Variants in MOB1B observed in about 807,000 individuals in gnomAD.
MOB1B encodes MOB kinase activator 1B.
MOB1B carries 19 observed loss-of-function variants against 24.4 expected under a neutral mutation model. The observed-to-expected ratio is 0.78, with a 90% confidence interval of 0.54 to 1.14. The LOEUF is 1.14. MOB1B is among the 50% of genes most tolerant of loss of function. The probability of loss-of-function intolerance (pLI) is 0.00; values close to 1 mark genes in which losing one functional copy is unlikely to be tolerated. For synonymous variants in MOB1B, 76 were observed against 82.1 expected (o/e 0.93, Z 0.40); for missense variants, 243 against 259.6 (o/e 0.94, Z 0.44).
At chr4:70,948,078 C>A (rs1458538995) in intron 1 of MOB1B, among the ~76,000 whole-genome samples, 1 of 152,154 alleles carries the variant, frequency 6.6e-6, no homozygotes, top group Non-Finnish European at 1.5e-5. Flanking sequence ...GGTCTATCAT[C>A]TAATTCATGT....
Position 70,983,982 on chromosome 4 carries a change from T to C in MOB1B, c.*1925T>C, listed in dbSNP as rs1739299881. On this transcript the variant is annotated 3_prime_UTR_variant, in exon 6 of 6. Transcript: ENST00000309395. ...GTGAGGTGATTTTGAATCTTGTCCA[T>C]ATAGGAAAATGAAGCACAGAATTAC... is the stretch of plus-strand genomic sequence containing the variant. 6.6e-6 allele frequency: 1 copy of C among 152,590 alleles called. No homozygotes were observed. The highest frequency in any genetic ancestry group is 2.4e-5 in the African/African-American group (1 of 41,458). The allele number at this position is 152,590 out of a possible 1,614,324, so 9.5% of individuals were successfully genotyped here.
At chr4:70,976,729 G>C in intron 4 of MOB1B, 1 of 734,824 alleles carries the variant, frequency 1.4e-6, no homozygotes, top group East Asian at 1.3e-4. Flanking sequence ...TTTAATAAAA[G>C]AGCAATTTTT....
At chr4:70,923,268 C>T (rs941773332) in intron 1 of MOB1B, among the ~76,000 whole-genome samples, 2 of 152,282 alleles carry the variant, frequency 1.3e-5, no homozygotes, top group Admixed American at 1.3e-4. Flanking sequence ...AGAGCATCCT[C>T]TTTGGGGAGG....
At chr4:70,923,075 G>A (rs756572318) in intron 1 of MOB1B, among the ~76,000 whole-genome samples, 7 of 152,144 alleles carry the variant, frequency 4.6e-5, no homozygotes, top group South Asian at 2.1e-4. Flanking sequence ...AAAGGAGAAC[G>A]TCACATTAAT....
intron 1 of MOB1B, among the ~76,000 whole-genome samples, chr4:70,952,659 A>C (rs1737858641): frequency 6.7e-6 from 1 of 150,184 alleles, no homozygotes; most frequent in South Asian, 2.1e-4. Flanking sequence ...AAAAAAAAAA[A>C]CAAAACAAAA....
intron 2 of MOB1B, among the ~76,000 whole-genome samples, chr4:70,966,998 A>C (rs756235865): frequency 1.3e-5 from 2 of 152,258 alleles, no homozygotes; most frequent in African/African-American, 2.4e-5. Flanking sequence ...AGGGTTATCA[A>C]GTAATAGATG....
intron 2 of MOB1B, 118 bp downstream of exon 2, chr4:70,959,158 G>T: frequency 1.4e-6 from 1 of 735,032 alleles, no homozygotes; most frequent in African/African-American, 1.8e-5. Context: ...ATAAAAGAGT[G>T]ATATCTCAAT....
At chr4:70,921,493 T>TCCCCTCCCCC (rs1736437712) in intron 1 of MOB1B, among the ~76,000 whole-genome samples, 3 of 66,648 alleles carry the variant, frequency 4.5e-5, no homozygotes, top group Non-Finnish European at 8.7e-5. Flanking sequence ...TCCCCTCCCC[T>TCCCCTCCCCC]CCCCTCCCCT....
intron 1 of MOB1B, among the ~76,000 whole-genome samples, chr4:70,957,753 ATTTTTTT>A (rs10706196): frequency 9.1e-5 from 11 of 121,164 alleles, no homozygotes; most frequent in African/African-American, 8.8e-5. Flanking sequence ...TCCCTGCCTT[ATTTTTTT>A]TTTTTTTTTT....
At chr4:70,920,319 G>A (rs1205014532) in intron 1 of MOB1B, among the ~76,000 whole-genome samples, 2 of 151,932 alleles carry the variant, frequency 1.3e-5, no homozygotes, top group African/African-American at 4.8e-5. Context: ...TCTGCCTCCT[G>A]GGTTCATGTG....
At chr4:70,979,009 T>G (rs1032278559) in intron 4 of MOB1B, 119 bp from the exon 5 acceptor site, 1 of 801,942 alleles carries the variant, frequency 1.2e-6, no homozygotes, top group Admixed American at 2.4e-5. Context: ...TATGTATAAA[T>G]TCATAAATGC....
intron 1 of MOB1B, among the ~76,000 whole-genome samples, chr4:70,954,603 G>C (rs569276341): frequency 4.9e-4 from 74 of 150,564 alleles, no homozygotes; most frequent in African/African-American, 1.8e-3. Context: ...TTACAGGCCT[G>C]CGCCACCATG....
chr4:70,918,724 T>G, intron 1 of MOB1B, among the ~76,000 whole-genome samples: 1 of 152,200 alleles, frequency 6.6e-6, no homozygotes, highest in Non-Finnish European at 1.5e-5. Flanking sequence ...TTTTGTCTTT[T>G]GTTGCCATTG....
At chr4:70,939,651 G>A (rs947948525) in intron 1 of MOB1B, among the ~76,000 whole-genome samples, 15 of 152,324 alleles carry the variant, frequency 9.8e-5, no homozygotes, top group East Asian at 3.9e-4. Flanking sequence ...AAGGGTGTGC[G>A]GTCGGGGGTG....
chr4:70,975,394 G>A lies in MOB1B; in HGVS notation c.409+108G>A. 6 of 1,515,134 alleles carry A rather than the reference G, an allele frequency of 4.0e-6. No homozygotes were observed. The South Asian group carries it at 8.1e-5, about 20-fold the overall frequency. The allele number at this position is 1,515,134 out of a possible 1,614,324, so 93.9% of individuals were successfully genotyped here. A position where few individuals can be genotyped will look rare whatever the true frequency, so the allele number is the denominator to read the frequency against. On this transcript the variant is annotated intron_variant, in intron 4 of 5. Transcript: ENST00000309395. Reference sequence around the variant, plus strand: ...TCTAGTTGGAGAGTTCTTTATGGCTGTGTTGATATATGTATATGTTACGCA... The same window carrying A: ...TCTAGTTGGAGAGTTCTTTATGGCTATGTTGATATATGTATATGTTACGCA...
chr4:70,925,920 CTGAGGGTT>C (rs1736631755), intron 1 of MOB1B, among the ~76,000 whole-genome samples: 1 of 152,110 alleles, frequency 6.6e-6, no homozygotes, highest in African/African-American at 2.4e-5. Flanking sequence ...TCCTCCTGGA[CTGAGGGTT>C]TGTTCATCAT....
intron 2 of MOB1B, among the ~76,000 whole-genome samples, 154 bp from the exon 3 acceptor site, chr4:70,969,777 C>A (rs1738681046): frequency 6.6e-6 from 1 of 152,142 alleles, no homozygotes; most frequent in South Asian, 2.1e-4. Context: ...AACACAAGCT[C>A]CTCATTTCAA....
Position 70,946,614 on chromosome 4 carries a change from T to C in MOB1B, c.15-12260T>C, listed in dbSNP as rs115621834. On this transcript the variant is annotated intron_variant, in intron 1 of 5. Coordinates refer to ENST00000309395, the MANE Select transcript of MOB1B (RefSeq NM_173468.4). ...TATGCATATATATAGTCATTTGTTA[T>C]TGAACATTTGAAAAATGCTAGTTCC... Among the ~76,000 whole-genome samples, 736 of 152,354 alleles carry C rather than the reference T, an allele frequency of 4.8e-3. 4 individuals are homozygous for C. The highest frequency in any genetic ancestry group is 6.8e-3 in the Middle Eastern group (2 of 294).
chr4:70,902,355 C>T (rs1320651246), upstream of MOB1B: 18 of 693,578 alleles, frequency 2.6e-5, no homozygotes, highest in Non-Finnish European at 4.5e-5. Context: ...CCACTTCCGC[C>T]CCCTCCCCCT....
Sources: allele counts gnomAD v4.1 joint callset (sites outside exome capture counted in the v4.1 genomes callset), GRCh38; gene constraint gnomAD v4.1.1; transcripts MANE v1.5; gene names NCBI Gene and HGNC (gene_info 2026-07-23, HGNC 2026-07-21).